Variants in KCTD8 observed in about 807,000 individuals in gnomAD.
The protein encoded by KCTD8 is BTB/POZ domain-containing protein KCTD8.
A neutral mutation model predicts 31.5 loss-of-function variants in KCTD8; 27 were observed. That is an observed-to-expected ratio of 0.86 (90% confidence interval 0.63 to 1.18). The LOEUF is 1.18. KCTD8 is among the 50% of genes most tolerant of loss of function. The pLI is 0.00. For synonymous variants in KCTD8, 290 were observed against 280.0 expected (o/e 1.04, Z -0.36); for missense variants, 658 against 647.7 (o/e 1.02, Z -0.17).
At chr4:44,282,604 C>T (rs1480502994) in intron 1 of KCTD8, among the ~76,000 whole-genome samples, 1 of 152,072 alleles carries the variant, frequency 6.6e-6, no homozygotes, top group African/African-American at 2.4e-5. Context: ...AAATCTGAAC[C>T]TCTTGCACCA....
At chr4:44,319,974 C>A (rs1287902333) in intron 1 of KCTD8, among the ~76,000 whole-genome samples, 2 of 151,778 alleles carry the variant, frequency 1.3e-5, no homozygotes, top group Non-Finnish European at 2.9e-5. Context: ...GAGTTCAATA[C>A]CAGCCTGGCC....
intron 1 of KCTD8, among the ~76,000 whole-genome samples, chr4:44,420,977 T>TAA (rs915513244): frequency 6.8e-6 from 1 of 146,936 alleles, no homozygotes; most frequent in Non-Finnish European, 1.5e-5. Flanking sequence ...GAAGAGAGAT[T>TAA]AAAAAAAAAA....
At chr4:44,203,859 C>T (rs1291068654) in intron 1 of KCTD8, among the ~76,000 whole-genome samples, 2 of 150,918 alleles carry the variant, frequency 1.3e-5, no homozygotes, top group Non-Finnish European at 3.0e-5. Flanking sequence ...ATATAAATTA[C>T]CAAATCAGGC....
intron 1 of KCTD8, among the ~76,000 whole-genome samples, chr4:44,386,161 T>C (rs1203485104): frequency 6.6e-6 from 1 of 151,406 alleles, no homozygotes. Flanking sequence ...ACACTGAAAA[T>C]AGAACCAACA....
chr4:44,211,401 G>GT (rs1033466980), intron 1 of KCTD8, among the ~76,000 whole-genome samples: 7 of 152,090 alleles, frequency 4.6e-5, no homozygotes, highest in Admixed American at 3.3e-4. Context: ...TCTGGTCTGG[G>GT]TTTTTTTGTA....
At chr4:44,342,514 A>G (rs1190201775) in intron 1 of KCTD8, among the ~76,000 whole-genome samples, 1 of 152,200 alleles carries the variant, frequency 6.6e-6, no homozygotes, top group East Asian at 1.9e-4. Flanking sequence ...CACGTCAAGT[A>G]TATTTAGCAT....
intron 1 of KCTD8, among the ~76,000 whole-genome samples, chr4:44,247,148 G>A (rs1429509093): frequency 1.3e-5 from 2 of 151,922 alleles, no homozygotes; most frequent in Non-Finnish European, 2.9e-5. Flanking sequence ...AAATCAAGCA[G>A]TTCAAAATGT....
chr4:44,316,746 C>A (rs3103529), intron 1 of KCTD8, among the ~76,000 whole-genome samples: 32 of 128,240 alleles, frequency 2.5e-4, no homozygotes, highest in African/African-American at 8.4e-4. Context: ...GTCAGGAGAT[C>A]GAGACCATCC....
At chr4:44,314,899 A>T (rs1425286638) in intron 1 of KCTD8, among the ~76,000 whole-genome samples, 1 of 151,124 alleles carries the variant, frequency 6.6e-6, no homozygotes, top group Non-Finnish European at 1.5e-5. Context: ...CAGGAAAAAA[A>T]AAAAACTTAT....
At chr4:44,269,741 G>C (rs2109371350) in intron 1 of KCTD8, among the ~76,000 whole-genome samples, 1 of 152,204 alleles carries the variant, frequency 6.6e-6, no homozygotes, top group African/African-American at 2.4e-5. Context: ...GATATGAACA[G>C]ACACTTCTCA....
chr4:44,448,574 C>A lies in KCTD8; in HGVS notation c.-51G>T. On this transcript the variant is annotated 5_prime_UTR_variant, in exon 1 of 2. Coordinates refer to ENST00000360029, the MANE Select transcript of KCTD8 (RefSeq NM_198353.3). This position sits in a 1 kb window ranked among gnomAD's most constrained non-coding sequence, Gnocchi z 4.1. ...CCCGAGAGAGCTGCACTTTCTCGTT[C>A]CCGGAGCCCGCGCCCCAGCCCTCCG... 1 of 1,388,536 alleles carries A rather than the reference C, an allele frequency of 7.2e-7. No individual in the cohort carries two copies. Among genetic ancestry groups the A allele is most frequent in the South Asian group, 1.9e-5 (1 of 52,934 alleles). The allele number at this position is 1,388,536 out of a possible 1,614,324, so 86.0% of individuals were successfully genotyped here. A position where few individuals can be genotyped will look rare whatever the true frequency, so the allele number is the denominator to read the frequency against.
At chr4:44,222,682 G>A (rs1714841659) in intron 1 of KCTD8, among the ~76,000 whole-genome samples, 6 of 152,172 alleles carry the variant, frequency 3.9e-5, no homozygotes, top group Admixed American at 3.3e-4. Context: ...CTGTGTCTAA[G>A]GCTGTGTCTG....
chr4:44,368,406 T>TAAAAC (rs1229686947), intron 1 of KCTD8, among the ~76,000 whole-genome samples: 6 of 151,650 alleles, frequency 4.0e-5, no homozygotes, highest in Non-Finnish European at 5.9e-5. Flanking sequence ...TAAAATAAAA[T>TAAAAC]AAAATAAAAT....
intron 1 of KCTD8, among the ~76,000 whole-genome samples, chr4:44,371,530 T>C (rs1719785432): frequency 6.6e-6 from 1 of 152,144 alleles, no homozygotes; most frequent in African/African-American, 2.4e-5. Flanking sequence ...GGAATATAGG[T>C]AGTCGTTAAA....
intron 1 of KCTD8, among the ~76,000 whole-genome samples, chr4:44,367,139 T>A (rs1719658751): frequency 6.6e-6 from 1 of 151,892 alleles, no homozygotes; most frequent in Non-Finnish European, 1.5e-5. Flanking sequence ...CTCTTCCACT[T>A]CCCCTTCCCC....
At chr4:44,268,778 C>T (rs1326207625) in intron 1 of KCTD8, among the ~76,000 whole-genome samples, 1 of 152,104 alleles carries the variant, frequency 6.6e-6, no homozygotes, top group African/African-American at 2.4e-5. Flanking sequence ...CATGAGTGAA[C>T]TCCCATTCAC....
At chr4:44,431,600 C>A (rs982655651) in intron 1 of KCTD8, among the ~76,000 whole-genome samples, 1 of 151,260 alleles carries the variant, frequency 6.6e-6, no homozygotes, top group African/African-American at 2.4e-5. Flanking sequence ...ACAAAAAAAA[C>A]CTTACTCTAT....
At chr4:44,314,892 GAA>G (rs79225319) in intron 1 of KCTD8, among the ~76,000 whole-genome samples, 14 of 141,272 alleles carry the variant, frequency 9.9e-5, no homozygotes, top group Admixed American at 9.1e-4. Context: ...AAAAAAACAG[GAA>G]AAAAAAAAAA....
chr4:44,332,592 C>G (rs984507403), intron 1 of KCTD8, among the ~76,000 whole-genome samples: 1 of 151,936 alleles, frequency 6.6e-6, no homozygotes, highest in Non-Finnish European at 1.5e-5. Context: ...TCTTACAAAG[C>G]ATTTCTCACA....
Sources: gnomAD v4.1 joint callset for allele counts (sites outside exome capture counted in the v4.1 genomes callset) on GRCh38, gnomAD v4.1.1 for gene constraint, Gnocchi (gnomAD v3.1) non-coding constraint, MANE v1.5 for transcripts, NCBI Gene and HGNC (gene_info 2026-07-23, HGNC 2026-07-21) for gene names.